ESRRG: variants seen among roughly 807,000 people sequenced by gnomAD.
The protein encoded by ESRRG is estrogen related receptor gamma, also known as estrogen-related receptor gamma.
A neutral mutation model predicts 44.0 loss-of-function variants in ESRRG; 13 were observed. The ratio of observed to expected loss-of-function variants is 0.30; its 90% CI spans 0.19 to 0.47. ESRRG has a LOEUF of 0.47. Ranked by LOEUF, ESRRG falls within the 20% of genes least tolerant of loss-of-function variation. The pLI, the probability that ESRRG is intolerant of heterozygous loss-of-function variation, is 1.00. For missense variants in ESRRG, 395 were observed against 580.6 expected, an observed-to-expected ratio of 0.68 and a Z score of 3.29; for synonymous variants, 215 against 214.6, an observed-to-expected ratio of 1.00 and a Z score of -0.02.
intron 2 of ESRRG, among the ~76,000 whole-genome samples, chr1:216,830,610 T>G (rs2095472714): frequency 6.6e-6 from 1 of 152,168 alleles, no homozygotes; most frequent in South Asian, 2.1e-4. Context: ...GGTTGTAAGA[T>G]GCAGGATCTT....
At chr1:216,814,553 T>C (rs1207953671) in intron 2 of ESRRG, among the ~76,000 whole-genome samples, 1 of 152,200 alleles carries the variant, frequency 6.6e-6, no homozygotes, top group Non-Finnish European at 1.5e-5. Flanking sequence ...TTTTCTATGC[T>C]TTTAAATCCA....
chr1:217,104,744 A>T (rs1036650335), intron 1 of ESRRG, among the ~76,000 whole-genome samples: 13 of 152,222 alleles, frequency 8.5e-5, no homozygotes, highest in African/African-American at 2.4e-5. Flanking sequence ...AGAGGGGGAA[A>T]GAAACAGTGG....
intron 1 of ESRRG, among the ~76,000 whole-genome samples, chr1:216,976,770 A>G (rs530557774): frequency 6.6e-5 from 10 of 152,168 alleles, no homozygotes; most frequent in Non-Finnish European, 1.3e-4. Flanking sequence ...GATGGATTGT[A>G]GTCAAATGAG....
chr1:216,774,357 G>C (rs2093508756), intron 2 of ESRRG, among the ~76,000 whole-genome samples: 1 of 152,126 alleles, frequency 6.6e-6, no homozygotes, highest in African/African-American at 2.4e-5. Flanking sequence ...TGCTGCTCAT[G>C]TCATGGATGT....
chr1:216,688,731 G>C (rs144069329), intron 1 of ESRRG, among the ~76,000 whole-genome samples: 1 of 152,034 alleles, frequency 6.6e-6, no homozygotes, highest in Admixed American at 6.6e-5. Context: ...AGTAGGCCGG[G>C]GACATGAAAG....
At chr1:216,877,173 T>C (rs1404746046) in intron 2 of ESRRG, among the ~76,000 whole-genome samples, 1 of 152,134 alleles carries the variant, frequency 6.6e-6, no homozygotes, top group Non-Finnish European at 1.5e-5. Flanking sequence ...TATGTATTCA[T>C]CTATCTCATT....
chr1:217,001,688 G>C (rs1438000468), intron 1 of ESRRG, among the ~76,000 whole-genome samples: 1 of 152,100 alleles, frequency 6.6e-6, no homozygotes, highest in African/African-American at 2.4e-5. Context: ...AAGGTGGCTG[G>C]GGCAGAGACA....
intron 2 of ESRRG, among the ~76,000 whole-genome samples, chr1:216,731,864 G>A (rs532972003): frequency 6.6e-6 from 1 of 152,110 alleles, no homozygotes; most frequent in Non-Finnish European, 1.5e-5. Flanking sequence ...CTGTGTTACC[G>A]AAAAGCAAGA....
intron 2 of ESRRG, among the ~76,000 whole-genome samples, chr1:216,772,376 C>G (rs148307498): frequency 1.3e-5 from 2 of 152,204 alleles, no homozygotes; most frequent in East Asian, 1.9e-4. Flanking sequence ...AATTCAGCAG[C>G]TCGGGTAGAA....
rs926812142 is a variant in ESRRG, at chr1:216,918,141, G to T, written c.-14+21441C>A. On this transcript the variant is annotated intron_variant, in intron 2 of 7. Transcript: ENST00000359162. ...TTTGCGAAATTTAAAATCTACAAAG[G>T]CATTTGTAATTCAATTCCAAACATC... 2.0e-5 allele frequency among the ~76,000 whole-genome samples: 3 copies of T among 152,180 alleles called. No homozygotes were observed. In the South Asian group the frequency reaches 6.2e-4, roughly 32 times the overall value.
At chr1:217,115,737 C>T (rs1483856897) in intron 1 of ESRRG, among the ~76,000 whole-genome samples, 1 of 152,102 alleles carries the variant, frequency 6.6e-6, no homozygotes, top group Admixed American at 6.6e-5. Context: ...GTCTTCCCTT[C>T]CTGTTTCTTT....
chr1:217,080,679 T>G (rs1403991644), intron 1 of ESRRG, among the ~76,000 whole-genome samples: 3 of 92,854 alleles, frequency 3.2e-5, no homozygotes, highest in Admixed American at 1.3e-4. Flanking sequence ...TGGTTTTTTT[T>G]TTTTTTTTTT....
At chr1:217,121,964 A>G (rs1239118111) in intron 1 of ESRRG, among the ~76,000 whole-genome samples, 1 of 152,210 alleles carries the variant, frequency 6.6e-6, no homozygotes, top group Non-Finnish European at 1.5e-5. Context: ...CATTTGCTTA[A>G]AAGGAAATTG....
At chr1:217,070,587 G>T (rs1044750334) in intron 1 of ESRRG, among the ~76,000 whole-genome samples, 2 of 152,084 alleles carry the variant, frequency 1.3e-5, no homozygotes, top group African/African-American at 4.8e-5. Flanking sequence ...CACCACATTG[G>T]CCAGGTTGGT....
chr1:216,713,629 C>T (rs559840284), intron 1 of ESRRG, among the ~76,000 whole-genome samples: 9 of 152,254 alleles, frequency 5.9e-5, no homozygotes, highest in South Asian at 4.1e-4. Flanking sequence ...ACAGCAGAGA[C>T]GCACCTGCTT....
intron 2 of ESRRG, among the ~76,000 whole-genome samples, chr1:216,811,885 T>A (rs1270602574): frequency 3.9e-5 from 6 of 152,122 alleles, no homozygotes; most frequent in Non-Finnish European, 7.4e-5. Flanking sequence ...CAATCTAAAG[T>A]CTTATAAAAT....
chr1:216,712,192 G>GT (rs2083759681), intron 1 of ESRRG, among the ~76,000 whole-genome samples: 1 of 152,182 alleles, frequency 6.6e-6, no homozygotes. Context: ...GTGAAATGAA[G>GT]TTTTTTGCAT....
At chr1:216,939,362 A>AC (rs2064791107) in intron 2 of ESRRG, among the ~76,000 whole-genome samples, 2 of 142,568 alleles carry the variant, frequency 1.4e-5, no homozygotes, top group African/African-American at 5.7e-5. Context: ...AAAAAAAAAA[A>AC]AAAAAAAACA....
intron 5 of ESRRG, among the ~76,000 whole-genome samples, chr1:216,523,490 G>GTTTTTTTT (rs749747909): frequency 3.2e-5 from 4 of 126,326 alleles, no homozygotes; most frequent in South Asian, 2.3e-4. Flanking sequence ...ATCAAGCACT[G>GTTTTTTTT]TTTTTTTTTT....
Sources: allele counts gnomAD v4.1 joint callset (sites outside exome capture counted in the v4.1 genomes callset), GRCh38; gene constraint gnomAD v4.1.1; transcripts MANE v1.5; gene names NCBI Gene and HGNC (gene_info 2026-07-23, HGNC 2026-07-21).